The following RYR2 variants were observed in gnomAD, a reference collection of about 807,000 sequenced individuals.
RYR2 encodes the protein cardiac muscle ryanodine receptor-calcium release channel.
In RYR2, 227 loss-of-function variants were observed where a neutral mutation model predicts 601.1. That is an observed-to-expected ratio of 0.38 (90% CI 0.34 to 0.42). The LOEUF is 0.42. RYR2 is among the 10% of genes least tolerant of loss of function. The pLI is 1.00. For missense variants in RYR2, 4,646 were observed against 6,156.5 expected, an observed-to-expected ratio of 0.75 and a Z score of 8.21; for synonymous variants, 2,223 against 2,175.1, an observed-to-expected ratio of 1.02 and a Z score of -0.61.
chr1:237,742,326 GA>G lies in RYR2; in HGVS notation c.11124del (p.Glu3709ArgfsTer3). On this transcript the variant is annotated frameshift_variant, in exon 80 of 105. Transcript: ENST00000366574. LOFTEE classifies it high-confidence loss of function. ...SCHDEEDDDG[E>X]EEVKSFEEKE... Reference sequence around the variant, plus strand: ...TCATGATGAGGAAGATGACGATGGTGAAGAGGAAGTGAAGAGTTTTGAAGTA... The same window carrying G: ...TCATGATGAGGAAGATGACGATGGTGAGAGGAAGTGAAGAGTTTTGAAGTA... The G allele has an allele frequency of 6.4e-7, 1 of 1,563,860 alleles. No homozygotes were observed. The highest frequency in any genetic ancestry group is 1.2e-5 in the South Asian group (1 of 85,438).
chr1:237,769,394 CAACACAATAATGTGCCTAT>C (rs1352495820), intron 84 of RYR2, among the ~76,000 whole-genome samples: 1 of 152,136 alleles, frequency 6.6e-6, no homozygotes, highest in East Asian at 1.9e-4. Flanking sequence ...ATGGGAGATT[CAACACAATAATGTGCCTAT>C]AACACTTAAA....
chr1:237,794,709 C>T (rs915641324), intron 95 of RYR2, among the ~76,000 whole-genome samples: 1 of 152,146 alleles, frequency 6.6e-6, no homozygotes, highest in Non-Finnish European at 1.5e-5. Context: ...CTAATGGGTT[C>T]CGAGTTGTCA....
intron 14 of RYR2, among the ~76,000 whole-genome samples, chr1:237,453,948 A>G (rs1658492583): frequency 6.6e-6 from 1 of 152,190 alleles, no homozygotes; most frequent in Non-Finnish European, 1.5e-5. Flanking sequence ...ATATTTTTGA[A>G]CTCACAGGAA....
At chr1:237,251,509 C>T (rs542580855) in intron 1 of RYR2, among the ~76,000 whole-genome samples, 1 of 152,246 alleles carries the variant, frequency 6.6e-6, no homozygotes, top group East Asian at 1.9e-4. Flanking sequence ...TTTCTTTCTA[C>T]CTTAGAGGTC....
intron 12 of RYR2, among the ~76,000 whole-genome samples, chr1:237,435,679 A>G (rs930602888): frequency 3.9e-5 from 6 of 152,168 alleles, no homozygotes; most frequent in Admixed American, 3.3e-4. Context: ...TCATAATTTG[A>G]TAGTTTAGTT....
At chr1:237,619,890 C>T (rs1263273472) in intron 38 of RYR2, among the ~76,000 whole-genome samples, 1 of 152,090 alleles carries the variant, frequency 6.6e-6, no homozygotes, top group African/African-American at 2.4e-5. Flanking sequence ...GAAATCAAGA[C>T]ATTCTCAAAT....
intron 42 of RYR2, among the ~76,000 whole-genome samples, chr1:237,633,155 A>G (rs941718813): frequency 2.0e-5 from 3 of 152,156 alleles, no homozygotes; most frequent in South Asian, 2.1e-4. Flanking sequence ...ACTGAACTAT[A>G]TATTTTTCAG....
In RYR2 at chr1:237,700,366, G is replaced by A; in HGVS notation, c.9266G>A (p.Gly3089Glu). 1 of 1,605,888 alleles carries A rather than the reference G, an allele frequency of 6.2e-7. No individual in the cohort carries two copies. Among genetic ancestry groups the A allele is most frequent in the Non-Finnish European group, 8.5e-7 (1 of 1,175,910 alleles). Residue 3089 changes from glycine to glutamate, a missense_variant, in exon 65 of 105, where the codon GGG (glycine) becomes GAG (glutamate). Gly to Glu is a moderately conservative substitution (Grantham distance 98). Transcript: ENST00000366574. The stretch of plus-strand genomic sequence containing the variant: ...ACTCACACCCGAAACCAGCCCAAAG[G>A]GGTTACTCAGATTATCAATTACACC... The part of the protein sequence containing the change: ...QFTHTRNQPK[G>E]VTQIINYTTV...
chr1:237,206,804 C>T (rs543051904), intron 1 of RYR2, among the ~76,000 whole-genome samples: 3 of 152,218 alleles, frequency 2.0e-5, no homozygotes, highest in South Asian at 4.1e-4. Flanking sequence ...GACACTATCC[C>T]GGCCATTGCA....
intron 1 of RYR2, among the ~76,000 whole-genome samples, chr1:237,238,736 C>T (rs972698965): frequency 6.6e-6 from 1 of 152,162 alleles, no homozygotes; most frequent in African/African-American, 2.4e-5. Flanking sequence ...CAATAATAGA[C>T]CTGTGGGTCA....
chr1:237,405,355 C>T (rs543398411), intron 10 of RYR2, among the ~76,000 whole-genome samples: 1 of 152,132 alleles, frequency 6.6e-6, no homozygotes, highest in African/African-American at 2.4e-5. Context: ...TGCAGTTCTC[C>T]CCTCAAATAT....
chr1:237,073,614 G>T (rs1285361547), intron 1 of RYR2, among the ~76,000 whole-genome samples: 1 of 152,134 alleles, frequency 6.6e-6, no homozygotes, highest in East Asian at 1.9e-4. Context: ...GCTTATGCCT[G>T]TAATCCCACA....
intron 52 of RYR2, among the ~76,000 whole-genome samples, chr1:237,655,189 A>G (rs1483554520): frequency 6.6e-6 from 1 of 152,200 alleles, no homozygotes; most frequent in Non-Finnish European, 1.5e-5. Flanking sequence ...ATTTTTTAGA[A>G]TCATTTACAA....
At chr1:237,732,192 A>G (rs1382377227) in intron 78 of RYR2, 43 bp downstream of exon 78, 1 of 1,173,862 alleles carries the variant, frequency 8.5e-7, no homozygotes, top group African/African-American at 1.5e-5. Context: ...AGGAGCAAAT[A>G]AAGACACCCG....
chr1:237,826,964 T>C (rs1447861697), intron 101 of RYR2, among the ~76,000 whole-genome samples: 1 of 152,226 alleles, frequency 6.6e-6, no homozygotes, highest in Non-Finnish European at 1.5e-5. Flanking sequence ...CTCTTCCTTT[T>C]ACTTCCGGGC....
At chr1:237,409,287 G>A (rs1327760319) in intron 10 of RYR2, among the ~76,000 whole-genome samples, 3 of 152,100 alleles carry the variant, frequency 2.0e-5, no homozygotes, top group East Asian at 1.9e-4. Flanking sequence ...GGTGTTGGCT[G>A]TAGGCATTTT....
chr1:237,070,135 A>C (rs1664138902), intron 1 of RYR2, among the ~76,000 whole-genome samples: 1 of 150,560 alleles, frequency 6.6e-6, no homozygotes, highest in African/African-American at 2.4e-5. Flanking sequence ...GGCTCAAGTG[A>C]TCCTCCCACC....
At chr1:237,793,085 T>G (rs1029901453) in intron 94 of RYR2, among the ~76,000 whole-genome samples, 2 of 152,222 alleles carry the variant, frequency 1.3e-5, no homozygotes, top group African/African-American at 4.8e-5. Context: ...GCAAGGTGCT[T>G]TTTTACTGTA....
chr1:237,550,275 G>C (rs1471655213), intron 26 of RYR2, among the ~76,000 whole-genome samples: 1 of 152,190 alleles, frequency 6.6e-6, no homozygotes, highest in Non-Finnish European at 1.5e-5. Flanking sequence ...GTGGCAGATG[G>C]AAGTGGTTAG....
Sources: gnomAD v4.1 joint callset for allele counts (sites outside exome capture counted in the v4.1 genomes callset) on GRCh38, gnomAD v4.1.1 for gene constraint, MANE v1.5 for transcripts, NCBI Gene and HGNC (gene_info 2026-07-23, HGNC 2026-07-21) for gene names.